Variants in PLAAT5 observed in about 807,000 individuals in gnomAD.
PLAAT5 encodes the protein Ca(2+)-independent N-acyltransferase.
A neutral mutation model predicts 27.8 loss-of-function variants in PLAAT5; 27 were observed. The ratio of observed to expected loss-of-function variants is 0.97; its 90% CI spans 0.72 to 1.34. The LOEUF (loss-of-function observed/expected upper bound fraction) is 1.34. PLAAT5 is among the 40% of genes most tolerant of loss of function. The probability of loss-of-function intolerance (pLI) is 0.00; values close to 1 mark genes in which losing one functional copy is unlikely to be tolerated. For synonymous variants in PLAAT5, 125 were observed against 136.1 expected (o/e 0.92, Z 0.57); for missense variants, 368 against 343.8 (o/e 1.07, Z -0.56).
chr11:63,481,862 C>T (rs910589523), intron 3 of PLAAT5, among the ~76,000 whole-genome samples: 1 of 152,032 alleles, frequency 6.6e-6, no homozygotes, highest in Non-Finnish European at 1.5e-5. Flanking sequence ...ACAATGAGAA[C>T]ACATGGACAC....
intron 3 of PLAAT5, among the ~76,000 whole-genome samples, chr11:63,484,611 C>A (rs1367149837): frequency 6.6e-6 from 1 of 152,040 alleles, no homozygotes; most frequent in Non-Finnish European, 1.5e-5. Context: ...TGATTAAAAA[C>A]CTCAACAAAA....
At chr11:63,465,285 A>G (rs765140126) in intron 5 of PLAAT5, among the ~76,000 whole-genome samples, 9 of 151,816 alleles carry the variant, frequency 5.9e-5, no homozygotes, top group East Asian at 1.9e-4. Flanking sequence ...TCTCAAAAAA[A>G]AGAGAGAGAG....
At chr11:63,466,502 G>A in intron 4 of PLAAT5, 130 bp from the exon 5 acceptor site, 1 of 933,524 alleles carries the variant, frequency 1.1e-6, no homozygotes, top group Non-Finnish European at 1.6e-6. Context: ...GGCAGAAGAG[G>A]GGAAGTTGGA....
In PLAAT5 at chr11:63,466,178, T is replaced by G; in HGVS notation, c.649A>C (p.Ser217Arg). The change falls in exon 5 of 6, where the codon AGC becomes CGC. Residue 217 changes from serine to arginine, a missense_variant. Ser to Arg is a moderately radical substitution (Grantham distance 110, BLOSUM62 -1). Coordinates refer to ENST00000540857, the MANE Select transcript of PLAAT5 (RefSeq NM_001146729.2). ...TGCTCACAGTTCCCTTCAATCAGGC[T>G]GTACTGCACGATCTTGTTGACCATC... ...KKMVNKIVQY[S>R]LIEGNCEHFV... 1 of 1,614,200 alleles carries G rather than the reference T, an allele frequency of 6.2e-7. No homozygotes were observed. The highest frequency in any genetic ancestry group is 8.5e-7 in the Non-Finnish European group (1 of 1,180,030).
chr11:63,463,675 C>A lies in PLAAT5; in HGVS notation c.718-80G>T, dbSNP rs1017340852. On this transcript the variant is annotated intron_variant, in intron 5 of 5. Transcript: ENST00000540857. ...TCCCCTACCTCCACCCCACCATACC[C>A]ATTCAGCAACCAGCCTGTCTGGAGT... The A allele has an allele frequency of 5.7e-6, 6 of 1,053,368 alleles. No individual in the cohort carries two copies. In the Admixed American group the frequency reaches 8.6e-5, roughly 15 times the overall value. 65.3% of individuals were successfully genotyped at this position (1,053,368 alleles called of 1,614,324 possible).
At chr11:63,469,139 TGTGTGTGAGA>T (rs1010099743) in intron 3 of PLAAT5, among the ~76,000 whole-genome samples, 2 of 146,524 alleles carry the variant, frequency 1.4e-5, no homozygotes, top group Non-Finnish European at 3.0e-5. Flanking sequence ...TGTGTGTGTG[TGTGTGTGAGA>T]GAGAGAGAGA....
At position 63,490,349 on chromosome 11, in the gene PLAAT5, A is replaced by G. The variant is rs138640590; in HGVS notation, c.149-16T>C. 2.4e-5 allele frequency: 39 copies of G among 1,613,814 alleles called. No individual in the cohort carries two copies. Among genetic ancestry groups the G allele is most frequent in the Non-Finnish European group, 3.2e-5 (38 of 1,179,998 alleles). On this transcript the variant is annotated splice_polypyrimidine_tract_variant and intron_variant, in intron 1 of 5. Coordinates refer to ENST00000540857, the MANE Select transcript of PLAAT5 (RefSeq NM_001146729.2). ...ACGGATTCTTCTAATTCAAGGGGGG[A>G]AATGCTATTTAGACCTGTGAAAGGA...
chr11:63,483,039 G>A (rs1390993847), intron 3 of PLAAT5, among the ~76,000 whole-genome samples: 2 of 152,148 alleles, frequency 1.3e-5, no homozygotes, highest in African/African-American at 4.8e-5. Context: ...AAAAAGATCA[G>A]TCCAACAGGA....
At chr11:63,464,967 G>C (rs1194013787) in intron 5 of PLAAT5, among the ~76,000 whole-genome samples, 1 of 152,060 alleles carries the variant, frequency 6.6e-6, no homozygotes, top group Non-Finnish European at 1.5e-5. Context: ...CCAGTGGCCT[G>C]ATCAATTGTA....
chr11:63,480,801 T>G (rs1285060140), intron 3 of PLAAT5, among the ~76,000 whole-genome samples: 1 of 152,234 alleles, frequency 6.6e-6, no homozygotes, highest in Non-Finnish European at 1.5e-5. Context: ...GCTAACTTCA[T>G]GAGCCACAGA....
At chr11:63,464,249 G>A (rs937928857) in intron 5 of PLAAT5, among the ~76,000 whole-genome samples, 1 of 152,190 alleles carries the variant, frequency 6.6e-6, no homozygotes, top group African/African-American at 2.4e-5. Flanking sequence ...GCTGGCAAAA[G>A]CAGAGACTAA....
At chr11:63,490,198 A>G (rs2016527612) in intron 2 of PLAAT5, 45 bp downstream of exon 2, 2 of 1,613,094 alleles carry the variant, frequency 1.2e-6, no homozygotes, top group East Asian at 2.2e-5. Flanking sequence ...CAATTCTCCA[A>G]AAGATTTCTT....
chr11:63,486,734 A>G (rs2120341519), intron 3 of PLAAT5, among the ~76,000 whole-genome samples: 1 of 152,314 alleles, frequency 6.6e-6, no homozygotes, highest in South Asian at 2.1e-4. Context: ...TGATGGATGC[A>G]CTAAAATCTC....
Position 63,479,404 on chromosome 11 carries a change from A to G in PLAAT5, c.345+9467T>C, listed in dbSNP as rs144900633. Among the ~76,000 whole-genome samples the G allele has an allele frequency of 3.3e-3, 501 of 152,370 alleles. 2 individuals are homozygous for G. The highest frequency in any genetic ancestry group is 0.012 in the African/African-American group (486 of 41,598). Reference sequence around the variant, plus strand: ...TCAGAGAAACTGTTTTAAAATGTTCATAAGAAAGTCTGAAGTTTAAATATT... The same window carrying G: ...TCAGAGAAACTGTTTTAAAATGTTCGTAAGAAAGTCTGAAGTTTAAATATT... On this transcript the variant is annotated intron_variant, in intron 3 of 5. Coordinates refer to ENST00000540857, the MANE Select transcript of PLAAT5 (RefSeq NM_001146729.2).
At chr11:63,487,920 A>T (rs182863359) in intron 3 of PLAAT5, among the ~76,000 whole-genome samples, 2 of 152,258 alleles carry the variant, frequency 1.3e-5, no homozygotes, top group African/African-American at 4.8e-5. Flanking sequence ...CCGAGGCGGG[A>T]GGATCATGAG....
intron 3 of PLAAT5, among the ~76,000 whole-genome samples, chr11:63,469,162 C>A (rs1388780652): frequency 8.5e-6 from 1 of 118,084 alleles, no homozygotes; most frequent in African/African-American, 4.0e-5. Flanking sequence ...GAGAGAGAGA[C>A]AGGTAGAGAG....
At chr11:63,477,288 T>C (rs1021657903) in intron 3 of PLAAT5, among the ~76,000 whole-genome samples, 7 of 152,146 alleles carry the variant, frequency 4.6e-5, no homozygotes, top group African/African-American at 1.7e-4. Context: ...CTGGACGTTC[T>C]AGGTAACATA....
At chr11:63,468,604 C>G (rs2015928921) in intron 3 of PLAAT5, 139 bp from the exon 4 acceptor site, 1 of 639,196 alleles carries the variant, frequency 1.6e-6, no homozygotes, top group East Asian at 2.7e-5. Context: ...AAAGAAATTT[C>G]TCTTCACACT....
intron 1 of PLAAT5, 144 bp from the exon 2 acceptor site, chr11:63,490,477 T>C: frequency 7.6e-7 from 1 of 1,315,414 alleles, no homozygotes; most frequent in Non-Finnish European, 1.1e-6. Flanking sequence ...TTGGGATGAA[T>C]GGAGAGGGTT....
Sources: allele counts gnomAD v4.1 joint callset (sites outside exome capture counted in the v4.1 genomes callset), GRCh38; gene constraint gnomAD v4.1.1; transcripts MANE v1.5; gene names NCBI Gene and HGNC (gene_info 2026-07-23, HGNC 2026-07-21).